UBOX5: variants seen among roughly 807,000 people sequenced by gnomAD.
The protein encoded by UBOX5 is RING finger protein 37.
UBOX5 carries 28 observed loss-of-function variants against 39.0 expected under a neutral mutation model. The observed-to-expected ratio is 0.72, with a 90% CI of 0.53 to 0.98. The LOEUF (loss-of-function observed/expected upper bound fraction) is 0.98, where lower values mean the gene tolerates loss of function less well. Among genes scored for constraint, UBOX5 ranks in the 50% least tolerant of loss-of-function variants. The pLI is 0.00. For missense variants in UBOX5, 585 were observed against 674.4 expected (o/e 0.87, Z 1.47); for synonymous variants, 283 against 275.5 (o/e 1.03, Z -0.27).
At chr20:3,110,647 G>A in intron 4 of UBOX5, 1 of 364,552 alleles carries the variant, frequency 2.7e-6, no homozygotes, top group Non-Finnish European at 5.2e-6. Flanking sequence ...CAAGGCTGGA[G>A]CAAGGCACAG....
At position 3,120,067 on chromosome 20, in the gene UBOX5, T is replaced by C. The variant is rs542356389; in HGVS notation, c.1255+1317A>G. Among the ~76,000 whole-genome samples the C allele has an allele frequency of 8.5e-5, 13 of 152,116 alleles. No individual in the cohort carries two copies. In the South Asian group the frequency reaches 2.7e-3, roughly 32 times the overall value. On this transcript the variant is annotated intron_variant, in intron 3 of 4. Coordinates refer to ENST00000217173, the MANE Select transcript of UBOX5 (RefSeq NM_014948.4). ...TCCTTAAATCTCATACTCAAGAATG[T>C]TGCAGGCCAGGCACAGTGGCTTGCA... is the stretch of plus-strand genomic sequence containing the variant.
intron 1 of UBOX5, among the ~76,000 whole-genome samples, chr20:3,158,612 C>T (rs1350554398): frequency 1.3e-5 from 2 of 152,196 alleles, no homozygotes; most frequent in Admixed American, 1.3e-4. Context: ...GTAGCTGGGA[C>T]TACAGGCGCC....
At chr20:3,152,146 G>A (rs2066634569) in intron 1 of UBOX5, among the ~76,000 whole-genome samples, 1 of 150,120 alleles carries the variant, frequency 6.7e-6, no homozygotes, top group Non-Finnish European at 1.5e-5. Context: ...AGAGATAGCA[G>A]GTAACAGAAC....
rs182529450 is a variant in UBOX5, at chr20:3,158,918, C to T, written c.-42+848G>A. On this transcript the variant is annotated intron_variant, in intron 1 of 4. Transcript: ENST00000217173. Reference sequence around the variant, plus strand: ...AGTGTAGAAAACGTGAATTCAGATTCCAGCAGCAACAAATGACTGGAGCAC... The same window carrying T: ...AGTGTAGAAAACGTGAATTCAGATTTCAGCAGCAACAAATGACTGGAGCAC... Among the ~76,000 whole-genome samples, 53 of 152,286 alleles carry T rather than the reference C, an allele frequency of 3.5e-4. 1 individual carries two copies. The highest frequency in any genetic ancestry group is 3.3e-3 in the Admixed American group (50 of 15,298).
chr20:3,153,866 C>T (rs1199679111), intron 1 of UBOX5, among the ~76,000 whole-genome samples: 1 of 152,132 alleles, frequency 6.6e-6, no homozygotes, highest in African/African-American at 2.4e-5. Flanking sequence ...TTCAAAAATC[C>T]AAAATCTGAA....
intron 1 of UBOX5, among the ~76,000 whole-genome samples, chr20:3,145,596 G>T (rs970008596): frequency 6.6e-6 from 1 of 152,016 alleles, no homozygotes; most frequent in Non-Finnish European, 1.5e-5. Context: ...ACACCACCAC[G>T]CCTGGCTAAT....
At chr20:3,131,730 T>A (rs1959298372) in intron 1 of UBOX5, among the ~76,000 whole-genome samples, 1 of 152,184 alleles carries the variant, frequency 6.6e-6, no homozygotes, top group African/African-American at 2.4e-5. Context: ...CAACACAGGC[T>A]GGGCGTGGTG....
At chr20:3,151,058 G>T (rs933915192) in intron 1 of UBOX5, among the ~76,000 whole-genome samples, 18 of 150,796 alleles carry the variant, frequency 1.2e-4, no homozygotes, top group Non-Finnish European at 2.5e-4. Flanking sequence ...GTGTGTGTTT[G>T]TGTGTGTGTT....
At chr20:3,148,625 T>G in intron 1 of UBOX5, 2 of 1,614,218 alleles carry the variant, frequency 1.2e-6, no homozygotes, top group Non-Finnish European at 1.7e-6. Context: ...TCTGACTTTG[T>G]GCAAAATTAG....
chr20:3,146,103 G>A, intron 1 of UBOX5, among the ~76,000 whole-genome samples: 1 of 151,760 alleles, frequency 6.6e-6, no homozygotes, highest in East Asian at 1.9e-4. Context: ...GCATTTGGGA[G>A]GCCAAGGCAG....
chr20:3,115,573 C>T, intron 3 of UBOX5, 107 bp from the exon 4 acceptor site: 1 of 1,237,504 alleles, frequency 8.1e-7, no homozygotes, highest in Non-Finnish European at 1.1e-6. Flanking sequence ...TCTCACACAT[C>T]AATGTAATGA....
At chr20:3,123,801 A>G (rs1355956964) in intron 1 of UBOX5, among the ~76,000 whole-genome samples, 1 of 152,232 alleles carries the variant, frequency 6.6e-6, no homozygotes, top group Non-Finnish European at 1.5e-5. Flanking sequence ...TAGTGGTGGT[A>G]AGCATCCTTG....
chr20:3,155,629 CAA>C (rs1242280413), intron 1 of UBOX5, among the ~76,000 whole-genome samples: 1 of 151,910 alleles, frequency 6.6e-6, no homozygotes, highest in Non-Finnish European at 1.5e-5. Flanking sequence ...ACAATTTTGA[CAA>C]AAATTAAATT....
chr20:3,115,516 G>A (rs750554454), intron 3 of UBOX5, 50 bp from the exon 4 acceptor site: 1 of 1,555,840 alleles, frequency 6.4e-7, no homozygotes, highest in Non-Finnish European at 8.7e-7. Context: ...CTCCGCAAAA[G>A]AGAACAGCCT....
chr20:3,149,544 G>A lies in UBOX5; in HGVS notation c.-42+10222C>T, dbSNP rs984753927. Among the ~76,000 whole-genome samples the A allele has an allele frequency of 1.3e-5, 2 of 152,106 alleles. No individual in the cohort carries two copies. Among genetic ancestry groups the A allele is most frequent in the Non-Finnish European group, 2.9e-5 (2 of 68,026 alleles). On this transcript the variant is annotated intron_variant, in intron 1 of 4. Transcript: ENST00000217173. This position sits in a 1 kb window ranked among gnomAD's most constrained non-coding sequence, Gnocchi z 4.1. ...AAGCAGTGACGGCTAAAGAAGAGAC[G>A]GTGCTCCGCTAACATTTGATAGGAA... is the stretch of plus-strand genomic sequence containing the variant.
intron 4 of UBOX5, among the ~76,000 whole-genome samples, chr20:3,113,894 G>A (rs2066273706): frequency 6.6e-6 from 1 of 152,202 alleles, no homozygotes; most frequent in Admixed American, 6.5e-5. Flanking sequence ...AGCACTTTGG[G>A]AGGCCGAGGC....
Position 3,149,524 on chromosome 20 carries a change from G to A in UBOX5, c.-42+10242C>T, listed in dbSNP as rs976399867. ...CTTCCTTCACTGTACAAGGCAAGCA[G>A]TGACGGCTAAAGAAGAGACGGTGCT... On this transcript the variant is annotated intron_variant, in intron 1 of 4. Coordinates refer to ENST00000217173, the MANE Select transcript of UBOX5 (RefSeq NM_014948.4). The surrounding 1 kb of genome is among the most constrained non-coding windows in gnomAD (Gnocchi z 4.1). Among the ~76,000 whole-genome samples the A allele has an allele frequency of 6.6e-6, 1 of 152,174 alleles. No individual in the cohort carries two copies. Among genetic ancestry groups the A allele is most frequent in the Non-Finnish European group, 1.5e-5 (1 of 68,030 alleles).
chr20:3,122,623 T>G, intron 2 of UBOX5, 39 bp from the exon 3 acceptor site: 1 of 1,518,298 alleles, frequency 6.6e-7, no homozygotes, highest in Non-Finnish European at 8.8e-7. Context: ...ATGATCCAAA[T>G]GAAGACAACT....
At chr20:3,146,542 A>C in intron 1 of UBOX5, 1 of 485,668 alleles carries the variant, frequency 2.1e-6, no homozygotes, top group South Asian at 3.7e-5. Context: ...GGACATATTA[A>C]GATGTTTATT....
Sources: gnomAD v4.1 joint callset for allele counts (sites outside exome capture counted in the v4.1 genomes callset) on GRCh38, gnomAD v4.1.1 for gene constraint, Gnocchi (gnomAD v3.1) non-coding constraint, MANE v1.5 for transcripts, NCBI Gene and HGNC (gene_info 2026-07-23, HGNC 2026-07-21) for gene names.